SDF4: variants seen among roughly 807,000 people sequenced by gnomAD.
SDF4 encodes the protein stromal cell derived factor 4.
SDF4 carries 22 observed loss-of-function variants against 34.2 expected under a neutral mutation model. The observed-to-expected ratio is 0.64, with a 90% CI of 0.46 to 0.92. SDF4 has a LOEUF of 0.92. Ranked by LOEUF, SDF4 falls within the 40% of genes least tolerant of loss-of-function variation. SDF4 has a pLI of 0.00. For synonymous variants in SDF4, 236 were observed against 203.1 expected (o/e 1.16, Z -1.38); for missense variants, 447 against 499.9 (o/e 0.89, Z 1.01).
chr1:1,219,276 C>CCT (rs1649758580), intron 4 of SDF4: 27 of 1,183,378 alleles, frequency 2.3e-5, no homozygotes, highest in Non-Finnish European at 2.8e-5. Flanking sequence ...ACCCCCAGGA[C>CCT]ATGGCCTGGA....
Position 1,218,691 on chromosome 1 carries a change from C to T in SDF4, c.716-58G>A. The T allele has an allele frequency of 6.2e-7, 1 of 1,611,744 alleles. No homozygotes were observed. The highest frequency in any genetic ancestry group is 1.3e-5 in the African/African-American group (1 of 75,022). On this transcript the variant is annotated intron_variant, in intron 5 of 6. Coordinates refer to ENST00000360001, the MANE Select transcript of SDF4 (RefSeq NM_016176.6). The surrounding 1 kb of genome is among the most constrained non-coding windows in gnomAD (Gnocchi z 7.9). Reference sequence around the variant, plus strand: ...GGCTGGGGCTCCCGCAGGACCTGCCCCGACCTCCCGACGATGCCCGGCCCC... The same window carrying T: ...GGCTGGGGCTCCCGCAGGACCTGCCTCGACCTCCCGACGATGCCCGGCCCC...
intron 2 of SDF4, 149 bp from the exon 3 acceptor site, chr1:1,224,117 G>C (rs540276333): frequency 7.0e-7 from 1 of 1,434,378 alleles, no homozygotes; most frequent in South Asian, 1.4e-5. Context: ...AAAAGCGTCC[G>C]GGACGTGGGG....
chr1:1,224,138 G>A (rs1264436065), intron 2 of SDF4, among the ~76,000 whole-genome samples, 170 bp from the exon 3 acceptor site: 2 of 152,082 alleles, frequency 1.3e-5, no homozygotes, highest in East Asian at 1.9e-4. Context: ...CTTGTGGGGT[G>A]CCGGGCCACG....
rs191694169 is a variant in SDF4, at chr1:1,229,921, C to T, written c.-174-975G>A. On this transcript the variant is annotated intron_variant, in intron 1 of 6. Transcript: ENST00000360001. ...ATGTGCACACACACATCCACACTCACGCATGCACGTATTACACACATGTGC... is the reference window on the plus strand; with the variant it reads ...ATGTGCACACACACATCCACACTCATGCATGCACGTATTACACACATGTGC... Among the ~76,000 whole-genome samples, 47 of 151,526 alleles carry T rather than the reference C, an allele frequency of 3.1e-4. 1 individual carries two copies. In the East Asian group the frequency reaches 8.8e-3, roughly 28 times the overall value.
rs780085981 is a variant in SDF4, at chr1:1,218,824, G to A, written c.660C>T (p.Pro220=). 16 of 1,604,196 alleles carry A rather than the reference G, an allele frequency of 1.0e-5. No homozygotes were observed. The highest frequency in any genetic ancestry group is 3.4e-5 in the Admixed American group (2 of 59,572). The change falls in exon 5 of 7, where the codon CCC becomes CCT. Residue 220 remains proline (P), a synonymous_variant. Transcript: ENST00000360001. The surrounding 1 kb of genome is among the most constrained non-coding windows in gnomAD (Gnocchi z 7.9). ...ACCTGAGCATTCCCCGGCTGTGCTC[G>A]GGGTGGAGGAACGACAGGAACTCCT... The part of the protein sequence containing the change: ...TEEEFLSFLH[P]EHSRGMLRFM...
At position 1,220,457 on chromosome 1, in the gene SDF4, C is replaced by T. The variant is rs1649875462; in HGVS notation, c.557-1530G>A. ...GGGGTGGGAGGTCGCAGGAGTGACG[C>T]CTGCCAGCGCTTCCCAGGCCCCTCC... On this transcript the variant is annotated intron_variant, in intron 4 of 6. Transcript: ENST00000360001. 4.2e-6 allele frequency: 5 copies of T among 1,188,050 alleles called. No homozygotes were observed. The South Asian group carries it at 4.7e-5, about 11-fold the overall frequency. The allele number at this position is 1,188,050 out of a possible 1,614,324, so 73.6% of individuals were successfully genotyped here.
At chr1:1,224,461 A>G (rs927245853) in intron 2 of SDF4, among the ~76,000 whole-genome samples, 1 of 152,010 alleles carries the variant, frequency 6.6e-6, no homozygotes, top group Non-Finnish European at 1.5e-5. Context: ...TGTATTTTTA[A>G]CAGAAATACG....
At chr1:1,225,180 G>A (rs1008791776) in intron 2 of SDF4, among the ~76,000 whole-genome samples, 1 of 152,184 alleles carries the variant, frequency 6.6e-6, no homozygotes, top group African/African-American at 2.4e-5. Flanking sequence ...GCAGCCGCCC[G>A]TGTCCTGAGC....
At position 1,217,518 on chromosome 1, in the gene SDF4, C is replaced by T. The variant is rs1302586255; in HGVS notation, c.1062G>A (p.Glu354=). 11 of 1,593,520 alleles carry T rather than the reference C, an allele frequency of 6.9e-6. No individual in the cohort carries two copies. The highest frequency in any genetic ancestry group is 1.7e-5 in the Admixed American group (1 of 57,966). ...GCGGGGCGCGGCCGGGCGCTCAAAA[C>T]TCCTCGTGCACGCTGCGCGCGTAGT... ...LVDYARSVHE[E]F The change falls in exon 7 of 7, where the codon GAG becomes GAA. Residue 354 remains glutamate (E), a synonymous_variant. Coordinates refer to ENST00000360001, the MANE Select transcript of SDF4 (RefSeq NM_016176.6). This position sits in a 1 kb window ranked among gnomAD's most constrained non-coding sequence, Gnocchi z 8.5.
At position 1,229,563 on chromosome 1, in the gene SDF4, C is replaced by T. The variant is rs142151061; in HGVS notation, c.-174-617G>A. On this transcript the variant is annotated intron_variant, in intron 1 of 6. Coordinates refer to ENST00000360001, the MANE Select transcript of SDF4 (RefSeq NM_016176.6). ...GCCCTGTCTCTCCGTCTTTCCATCT[C>T]TCTCTCGAGCTGTCAGCACCTCCAG... Among the ~76,000 whole-genome samples the T allele has an allele frequency of 1.1e-3, 160 of 152,276 alleles. 1 individual carries two copies. Among genetic ancestry groups the T allele is most frequent in the African/African-American group, 3.7e-3 (154 of 41,546 alleles).
intron 2 of SDF4, 59 bp downstream of exon 2, chr1:1,228,409 G>A: frequency 6.6e-7 from 1 of 1,507,950 alleles, no homozygotes; most frequent in Non-Finnish European, 8.9e-7. Flanking sequence ...GCCAGGATAG[G>A]AACACACAGG....
At position 1,218,602 on chromosome 1, in the gene SDF4, G is replaced by T; in HGVS notation, c.747C>A (p.Pro249=). Residue 249 remains proline, a synonymous_variant, in exon 6 of 7, where the codon CCC becomes CCA. Transcript: ENST00000360001. This position sits in a 1 kb window ranked among gnomAD's most constrained non-coding sequence, Gnocchi z 7.9. ...TGCCCACGGGCAGGGAGATGAACTC[G>T]GGCACAGAGAGCTGCTTGTCACCGT... is the stretch of plus-strand genomic sequence containing the variant. ...DQDGDKQLSV[P]EFISLPVGTV... The T allele has an allele frequency of 1.2e-6, 2 of 1,614,032 alleles. No individual in the cohort carries two copies. The highest frequency in any genetic ancestry group is 1.7e-6 in the Non-Finnish European group (2 of 1,179,950).
chr1:1,224,407 G>A (rs1402349587), intron 2 of SDF4, among the ~76,000 whole-genome samples: 1 of 152,160 alleles, frequency 6.6e-6, no homozygotes, highest in Non-Finnish European at 1.5e-5. Flanking sequence ...AGCCTCCCGA[G>A]TAGCTGGGAT....
At position 1,220,441 on chromosome 1, in the gene SDF4, G is replaced by A. The variant is rs1273097452; in HGVS notation, c.557-1514C>T. On this transcript the variant is annotated intron_variant, in intron 4 of 6. Transcript: ENST00000360001. Reference sequence around the variant, plus strand: ...AGGAGCCATGCAGGGAGGGGTGGGAGGTCGCAGGAGTGACGCCTGCCAGCG... The same window carrying A: ...AGGAGCCATGCAGGGAGGGGTGGGAAGTCGCAGGAGTGACGCCTGCCAGCG... 5 of 1,181,832 alleles carry A rather than the reference G, an allele frequency of 4.2e-6. No homozygotes were observed. The East Asian group carries it at 3.0e-4, about 70-fold the overall frequency. 73.2% of individuals were successfully genotyped at this position (1,181,832 alleles called of 1,614,324 possible).
intron 4 of SDF4, chr1:1,219,415 C>T (rs980292315): frequency 2.0e-6 from 2 of 1,016,748 alleles, no homozygotes; most frequent in East Asian, 1.1e-4. Flanking sequence ...CCACCCCCCA[C>T]ACCCGCGCCT....
chr1:1,219,362 C>A (rs1424852704), intron 4 of SDF4: 3 of 1,073,262 alleles, frequency 2.8e-6, no homozygotes, highest in Admixed American at 4.9e-5. Context: ...GGACACAGCT[C>A]AGAGCCCCTC....
At chr1:1,228,391 C>T (rs1638378296) in intron 2 of SDF4, 77 bp downstream of exon 2, 5 of 1,444,680 alleles carry the variant, frequency 3.5e-6, no homozygotes, top group South Asian at 1.4e-5. Context: ...CGCCCCCCAC[C>T]GCGCAAAGCC....
chr1:1,224,104 G>A (rs905924326), intron 2 of SDF4, 136 bp from the exon 3 acceptor site: 120 of 1,480,184 alleles, frequency 8.1e-5, no homozygotes, highest in South Asian at 3.5e-4. Flanking sequence ...ACCAGGCAAC[G>A]CGAAAAGCGT....
chr1:1,229,278 T>C (rs984680931), intron 1 of SDF4, among the ~76,000 whole-genome samples: 1 of 152,206 alleles, frequency 6.6e-6, no homozygotes, highest in South Asian at 2.1e-4. Context: ...GACCACGAAC[T>C]CCTGGGCTCA....
Sources: allele counts gnomAD v4.1 joint callset (sites outside exome capture counted in the v4.1 genomes callset), GRCh38; gene constraint gnomAD v4.1.1; non-coding constraint Gnocchi (gnomAD v3.1); transcripts MANE v1.5; gene names NCBI Gene and HGNC (gene_info 2026-07-23, HGNC 2026-07-21).